EVL: variants seen among roughly 807,000 people sequenced by gnomAD.
EVL encodes the protein Enah/Vasp-like, also known as ena/VASP-like protein.
In EVL, 21 loss-of-function variants were observed where a neutral mutation model predicts 59.6. That is an observed-to-expected ratio of 0.35 (90% CI 0.25 to 0.51). The LOEUF (loss-of-function observed/expected upper bound fraction) is 0.51. EVL is among the 20% of genes least tolerant of loss of function. The probability of loss-of-function intolerance (pLI) is 0.97; values close to 1 mark genes in which losing one functional copy is unlikely to be tolerated. For synonymous variants in EVL, 198 were observed against 203.5 expected, an observed-to-expected ratio of 0.97 and a Z score of 0.23; for missense variants, 462 against 546.6, an observed-to-expected ratio of 0.85 and a Z score of 1.54.
upstream of EVL, among the ~76,000 whole-genome samples, chr14:100,064,290 GTCCTT>G (rs1283048880): frequency 6.6e-6 from 1 of 152,062 alleles, no homozygotes; most frequent in African/African-American, 2.4e-5. Flanking sequence ...AACCATAAAA[GTCCTT>G]TAAGGACAAG....
intron 2 of EVL, among the ~76,000 whole-genome samples, chr14:100,085,467 C>T (rs896636978): frequency 4.7e-4 from 71 of 152,306 alleles, no homozygotes; most frequent in African/African-American, 1.6e-3. Context: ...GAGAAATAGG[C>T]TGGGCGACTT....
chr14:100,011,149 A>G (rs1318292015), intron 1 of EVL, among the ~76,000 whole-genome samples: 1 of 152,244 alleles, frequency 6.6e-6, no homozygotes, highest in Non-Finnish European at 1.5e-5. Flanking sequence ...ATGATAAGCT[A>G]TGTTTAGATA....
In EVL at chr14:100,132,598, G is replaced by A. The variant is rs553800926; in HGVS notation, c.840-121G>A. The A allele has an allele frequency of 2.2e-4, 250 of 1,153,820 alleles. No individual in the cohort carries two copies. The African/African-American group carries it at 2.3e-3, about 11-fold the overall frequency. The allele number at this position is 1,153,820 out of a possible 1,614,324, so 71.5% of individuals were successfully genotyped here. A position where few individuals can be genotyped will look rare whatever the true frequency, so the allele number is the denominator to read the frequency against. On this transcript the variant is annotated intron_variant, in intron 7 of 13. Coordinates refer to ENST00000392920, the MANE Select transcript of EVL (RefSeq NM_016337.3). Reference sequence around the variant, plus strand: ...GACAAGCCGCCTCCTTCACGCCATCGTTTTCCCACACAGGTTTATCTGAGG... The same window carrying A: ...GACAAGCCGCCTCCTTCACGCCATCATTTTCCCACACAGGTTTATCTGAGG...
chr14:100,006,009 T>TCCCCCC (rs58699616), intron 1 of EVL, among the ~76,000 whole-genome samples: 1 of 114,756 alleles, frequency 8.7e-6, no homozygotes, highest in African/African-American at 3.2e-5. Flanking sequence ...GCTGGCCATT[T>TCCCCCC]CCCCCCCCCC....
chr14:100,142,875 C>G (rs1261976765), intron 13 of EVL, among the ~76,000 whole-genome samples: 3 of 152,216 alleles, frequency 2.0e-5, no homozygotes, highest in Non-Finnish European at 4.4e-5. Context: ...CAGGGCCCAC[C>G]ACAGCCTCTC....
intron 4 of EVL, among the ~76,000 whole-genome samples, chr14:100,124,045 T>A (rs1887870559): frequency 6.6e-6 from 1 of 152,212 alleles, no homozygotes; most frequent in African/African-American, 2.4e-5. Context: ...TCTAAAGTGT[T>A]ACCACAGTGG....
At chr14:100,064,890 A>G (rs995804812), upstream of EVL, among the ~76,000 whole-genome samples, 8 of 152,198 alleles carry the variant, frequency 5.3e-5, no homozygotes, top group African/African-American at 1.7e-4. Flanking sequence ...AGCCTGGGTG[A>G]CAGGAGTGTG....
intron 1 of EVL, among the ~76,000 whole-genome samples, chr14:100,007,665 T>C (rs2140190170): frequency 6.6e-6 from 1 of 152,336 alleles, no homozygotes; most frequent in East Asian, 1.9e-4. Flanking sequence ...TGTGTCGGCT[T>C]GCCTTACCTA....
chr14:100,128,589 G>GC lies in EVL; in HGVS notation c.566dup (p.Pro190ThrfsTer108), dbSNP rs746606863. On this transcript the variant is annotated frameshift_variant, in exon 6 of 14. Transcript: ENST00000392920. LOFTEE classifies it high-confidence loss of function. The stretch of plus-strand genomic sequence containing the variant: ...CCGTCTCATGTAGTGGGCCTCCACC[G>GC]CCCCCCCCACCCCCAGTCCCACCTC... 843 of 832,050 alleles carry GC rather than the reference G, an allele frequency of 1.0e-3. No homozygotes were observed. Among genetic ancestry groups the GC allele is most frequent in the Middle Eastern group, 1.4e-3 (3 of 2,166 alleles). The allele number at this position is 832,050 out of a possible 1,614,324, so 51.5% of individuals were successfully genotyped here. A position where few individuals can be genotyped will look rare whatever the true frequency, so the allele number is the denominator to read the frequency against.
intron 11 of EVL, chr14:100,139,531 C>T (rs528369312): frequency 1.3e-5 from 2 of 152,352 alleles, no homozygotes; most frequent in South Asian, 2.1e-4. Context: ...GCCTGAAGGA[C>T]CCAGGGCCCT....
rs552013870 is a variant in EVL, at chr14:99,977,015, A to C, written c.5+4958A>C. 8.5e-5 allele frequency: 13 copies of C among 152,288 alleles called. No homozygotes were observed. The South Asian group carries it at 2.7e-3, about 32-fold the overall frequency. The allele number at this position is 152,288 out of a possible 1,614,324, so 9.4% of individuals were successfully genotyped here. A position where few individuals can be genotyped will look rare whatever the true frequency, so the allele number is the denominator to read the frequency against. ...TTGTTCTGATTAGTCCACAGTTACTATCAGTAAAAGTCCCTGATTTTTGCA... is the reference window on the plus strand; with the variant it reads ...TTGTTCTGATTAGTCCACAGTTACTCTCAGTAAAAGTCCCTGATTTTTGCA... On this transcript the variant is annotated intron_variant, in intron 1 of 13. Transcript: ENST00000402714.
rs1379774654 is a variant in EVL at position 100,047,114 on chromosome 14, C to CTTTTTTT, written c.6-37572_6-37571insTTTTTTT. 1.5e-3 allele frequency among the ~76,000 whole-genome samples: 145 copies of CTTTTTTT among 95,086 alleles called. 9 individuals carry two copies. The Middle Eastern group carries it at 0.02, about 13-fold the overall frequency. 62.4% of individuals were successfully genotyped at this position (95,086 alleles called of 152,430 possible). ...ATTTTGAGACCTTGGGCAGATCTCTCTCTCTTTTTTTTTTTTTTTTTTTTT... is the reference window on the plus strand; with the variant it reads ...ATTTTGAGACCTTGGGCAGATCTCTCTTTTTTTTCTCTTTTTTTTTTTTTTTTTTTTT... On this transcript the variant is annotated intron_variant, in intron 1 of 13. Transcript: ENST00000402714.
chr14:99,989,047 T>G (rs544408256), intron 1 of EVL, among the ~76,000 whole-genome samples: 1 of 152,332 alleles, frequency 6.6e-6, no homozygotes, highest in African/African-American at 2.4e-5. Flanking sequence ...TAAAAACTGT[T>G]GTATACTTTA....
rs1566998596 is a variant in EVL at position 100,073,335 on chromosome 14, T to TG, written c.11+7824_11+7825insG. Among the ~76,000 whole-genome samples the TG allele has an allele frequency of 8.9e-3, 1,337 of 150,924 alleles. 16 individuals are homozygous for TG. The highest frequency in any genetic ancestry group is 0.031 in the African/African-American group (1,250 of 40,982). ...TTTCCTTTTTCTTTTTTTTTTTTTT[T>TG]TGGGGAGACAGGGTCTTGCTCTGTC... On this transcript the variant is annotated intron_variant, in intron 1 of 13. Coordinates refer to ENST00000392920, the MANE Select transcript of EVL (RefSeq NM_016337.3).
chr14:100,079,494 G>A (rs567931520), intron 1 of EVL, among the ~76,000 whole-genome samples: 11 of 152,314 alleles, frequency 7.2e-5, no homozygotes, highest in African/African-American at 2.6e-4. Context: ...ATTCGGAGAG[G>A]CAGGACAAAC....
In EVL at chr14:100,130,229, G is replaced by T. The variant is rs896813354; in HGVS notation, c.839+545G>T. 2.0e-5 allele frequency among the ~76,000 whole-genome samples: 3 copies of T among 152,230 alleles called. No homozygotes were observed. Among genetic ancestry groups the T allele is most frequent in the Non-Finnish European group, 4.4e-5 (3 of 68,036 alleles). ...GCCGGGCTCTTGGGCCTGAGACCTG[G>T]CCATGTGTGTCTGCTCGCTGCAGCG... On this transcript the variant is annotated intron_variant, in intron 7 of 13. Transcript: ENST00000392920. The surrounding 1 kb of genome is among the most constrained non-coding windows in gnomAD (Gnocchi z 4.8).
chr14:100,128,843 A>G, intron 6 of EVL, 95 bp downstream of exon 6: 1 of 1,099,112 alleles, frequency 9.1e-7, no homozygotes. Context: ...TGCGAGACAC[A>G]GCAAACTGCT....
intron 1 of EVL, among the ~76,000 whole-genome samples, chr14:100,079,664 C>G (rs1158510947): frequency 6.6e-6 from 1 of 152,174 alleles, no homozygotes; most frequent in Non-Finnish European, 1.5e-5. Context: ...GTGGACCTTC[C>G]TTTTTCCCTT....
chr14:100,110,380 A>G (rs1318088918), intron 3 of EVL, among the ~76,000 whole-genome samples: 4 of 152,034 alleles, frequency 2.6e-5, no homozygotes, highest in South Asian at 2.1e-4. Context: ...TCTCAGGAAA[A>G]AAAAAAAAAG....
Sources: gnomAD v4.1 joint callset for allele counts (sites outside exome capture counted in the v4.1 genomes callset) on GRCh38, gnomAD v4.1.1 for gene constraint, Gnocchi (gnomAD v3.1) non-coding constraint, MANE v1.5 for transcripts, NCBI Gene and HGNC (gene_info 2026-07-23, HGNC 2026-07-21) for gene names.